UPF3B: variants seen among roughly 807,000 people sequenced by gnomAD.
The protein encoded by UPF3B is UPF3B regulator of nonsense mediated mRNA decay.
In UPF3B, 7 loss-of-function variants were observed where a neutral mutation model predicts 40.3. The observed-to-expected ratio is 0.17, with a 90% CI of 0.10 to 0.33. The LOEUF is 0.33. Ranked by LOEUF, UPF3B falls within the 10% of genes least tolerant of loss-of-function variation. UPF3B has a pLI of 1.00. For missense variants in UPF3B, 229 were observed against 358.9 expected (o/e 0.64, Z 2.93); for synonymous variants, 117 against 117.3 (o/e 1.00, Z 0.01).
At chrX:119,815,518 T>G (rs1362815231) in intron 4 of UPF3B, among the ~76,000 whole-genome samples, 1 of 111,178 alleles carries the variant, frequency 9.0e-6, no homozygotes, top group Non-Finnish European at 1.9e-5. Context: ...ATAAGCCTGG[T>G]ACAACTTATT....
chrX:119,845,073 T>A, intron 4 of UPF3B, 125 bp downstream of exon 4: 1 of 548,522 alleles, frequency 1.8e-6, no homozygotes, highest in East Asian at 3.6e-5. Context: ...GCAAATAACA[T>A]TTCTCACTTA....
intron 5 of UPF3B, among the ~76,000 whole-genome samples, chrX:119,812,087 C>G (rs2147753263): frequency 9.0e-6 from 1 of 111,388 alleles, no homozygotes; most frequent in South Asian, 3.8e-4. Flanking sequence ...AACCCTGTCT[C>G]TACAAAAAAT....
At chrX:119,820,214 G>C (rs756471085) in intron 4 of UPF3B, among the ~76,000 whole-genome samples, 15 of 111,955 alleles carry the variant, frequency 1.3e-4, no homozygotes, top group African/African-American at 4.9e-4. Context: ...TGAGATCTAG[G>C]CTCACTACAA....
chrX:119,841,828 C>A (rs780667464), intron 5 of UPF3B, 50 bp from the exon 6 acceptor site: 2 of 1,089,865 alleles, frequency 1.8e-6, no homozygotes, highest in South Asian at 3.8e-5. Flanking sequence ...CCCCTAGAAA[C>A]GATTCCATTT....
At chrX:119,848,675 G>A (rs1317683313) in intron 3 of UPF3B, among the ~76,000 whole-genome samples, 2 of 111,741 alleles carry the variant, frequency 1.8e-5, no homozygotes, top group Admixed American at 1.9e-4. Flanking sequence ...TATGTTATAT[G>A]TTACAACATG....
In UPF3B at chrX:119,851,747, CCTT is replaced by C; in HGVS notation, c.263+17_263+19del. Reference sequence around the variant, plus strand: ...AGAAACCTTTTTCATTTACCCCTTTCCTTTTTTTTTTTTTTTTACCTCGTATCA... The same window carrying C: ...AGAAACCTTTTTCATTTACCCCTTTCTTTTTTTTTTTTTTACCTCGTATCA... On this transcript the variant is annotated intron_variant, in intron 2 of 10. Coordinates refer to ENST00000276201, the MANE Select transcript of UPF3B (RefSeq NM_080632.3). The C allele has an allele frequency of 2.4e-6, 1 of 415,632 alleles. No homozygotes were observed. 34.3% of individuals were successfully genotyped at this position (415,632 alleles called of 1,213,427 possible).
At chrX:119,847,900 T>C (rs2056254599) in intron 3 of UPF3B, among the ~76,000 whole-genome samples, 1 of 111,657 alleles carries the variant, frequency 9.0e-6, no homozygotes, top group African/African-American at 3.3e-5. Flanking sequence ...TTGTTCACAA[T>C]AGCCAAGAGT....
chrX:119,852,448 C>A (rs940109632), intron 1 of UPF3B, among the ~76,000 whole-genome samples: 3 of 112,006 alleles, frequency 2.7e-5, no homozygotes, highest in African/African-American at 9.7e-5. Flanking sequence ...ATGTCTCCTT[C>A]ACTATTTAAT....
intron 3 of UPF3B, among the ~76,000 whole-genome samples, chrX:119,824,251 T>C (rs2055955943): frequency 1.0e-5 from 1 of 96,877 alleles, no homozygotes; most frequent in East Asian, 3.2e-4. Flanking sequence ...TTGTGCATCA[T>C]GATCTGATTA....
chrX:119,828,545 G>A (rs1214922851), intron 3 of UPF3B, among the ~76,000 whole-genome samples: 1 of 110,477 alleles, frequency 9.1e-6, no homozygotes, highest in Non-Finnish European at 1.9e-5. Flanking sequence ...GGTGTCACAT[G>A]CCTGTAACCT....
intron 4 of UPF3B, among the ~76,000 whole-genome samples, chrX:119,815,884 C>T (rs187467062): frequency 1.0e-3 from 115 of 111,414 alleles, no homozygotes; most frequent in African/African-American, 3.6e-3. Flanking sequence ...CGGGTTCAAG[C>T]GATTCTCCTG....
chrX:119,851,764 T>TTTTTTTTTTTTTTTG lies in UPF3B; in HGVS notation c.263+2_263+3insCAAAAAAAAAAAAAA. On this transcript the variant is annotated splice_region_variant and intron_variant, in intron 2 of 10. Coordinates refer to ENST00000276201, the MANE Select transcript of UPF3B (RefSeq NM_080632.3). ...ACCCCTTTCCTTTTTTTTTTTTTTTTACCTCGTATCATTAGAAAAAAACTC... is the reference window on the plus strand; with the variant it reads ...ACCCCTTTCCTTTTTTTTTTTTTTTTTTTTTTTTTTTTTTGACCTCGTATCATTAGAAAAAAACTC... 1 of 968,489 alleles carries TTTTTTTTTTTTTTTG rather than the reference T, an allele frequency of 1.0e-6. No individual in the cohort carries two copies. The highest frequency in any genetic ancestry group is 1.4e-6 in the Non-Finnish European group (1 of 710,208). 79.8% of individuals were successfully genotyped at this position (968,489 alleles called of 1,213,427 possible).
In UPF3B at chrX:119,834,958, T is replaced by C. The variant is rs367726987; in HGVS notation, c.1372A>G (p.Ser458Gly). The C allele has an allele frequency of 9.1e-6, 11 of 1,210,588 alleles. No homozygotes were observed. In the African/African-American group the frequency reaches 1.6e-4, roughly 17 times the overall value. The change falls in exon 11 of 11, where the codon AGC becomes GGC. Residue 458 changes from serine (S) to glycine (G), a missense_variant. Around this residue, in one of 3 missense-constraint regions of UPF3B, gnomAD observed 119 missense variants for 153.8 expected, o/e 0.77. Coordinates refer to ENST00000276201, the MANE Select transcript of UPF3B (RefSeq NM_080632.3). Reference protein sequence around the residue: ...SRNRLCPPDDSTKSGDSAAER... With the variant: ...SRNRLCPPDDGTKSGDSAAER... The stretch of plus-strand genomic sequence containing the variant: ...GCTGCTGAATCTCCAGACTTGGTGC[T>C]GTCATCAGGGGGACAGAGTCGATTT...
At chrX:119,815,183 T>C (rs2055854570) in intron 5 of UPF3B, 1 of 760,229 alleles carries the variant, frequency 1.3e-6, no homozygotes. Context: ...TTCTTTTGTA[T>C]GGCTAATACA....
At chrX:119,823,009 G>C in exon 4 of UPF3B, 1 of 879,570 alleles carries the variant, frequency 1.1e-6, no homozygotes, top group Non-Finnish European at 1.4e-6. Flanking sequence ...TCGGCCTCGA[G>C]CTCCTCGATG....
chrX:119,851,015 C>G (rs2056296994), intron 3 of UPF3B, among the ~76,000 whole-genome samples: 1 of 112,523 alleles, frequency 8.9e-6, no homozygotes, highest in African/African-American at 3.2e-5. Context: ...GCTGGGATAA[C>G]AGGCGTGAGC....
intron 4 of UPF3B, 64 bp downstream of exon 4, chrX:119,845,134 C>A (rs2056211895): frequency 2.1e-6 from 2 of 967,282 alleles, no homozygotes; most frequent in Admixed American, 4.6e-5. Context: ...AATTAACTCT[C>A]ACAAAGATAT....
chrX:119,812,689 G>T (rs893483450), intron 5 of UPF3B, among the ~76,000 whole-genome samples: 2 of 111,207 alleles, frequency 1.8e-5, no homozygotes, highest in Non-Finnish European at 3.8e-5. Flanking sequence ...GTTTTTCGAG[G>T]TTGGGCCCTA....
downstream of UPF3B, among the ~76,000 whole-genome samples, chrX:119,829,177 A>G (rs746482495): frequency 6.3e-5 from 7 of 111,538 alleles, no homozygotes; most frequent in Non-Finnish European, 1.3e-4. Flanking sequence ...GTGCGCCATC[A>G]TGCCTGGCTA....
Sources: gnomAD v4.1 joint callset for allele counts (sites outside exome capture counted in the v4.1 genomes callset) on GRCh38, gnomAD v4.1.1 for gene constraint, gnomAD v4.1.1 regional missense constraint, MANE v1.5 for transcripts, NCBI Gene and HGNC (gene_info 2026-07-23, HGNC 2026-07-21) for gene names.